ARHGAP15: variants seen among roughly 807,000 people sequenced by gnomAD.
ARHGAP15 encodes the protein rho GTPase-activating protein 15.
ARHGAP15 carries 51 observed loss-of-function variants against 63.7 expected under a neutral mutation model. The observed-to-expected ratio is 0.80, with a 90% CI of 0.64 to 1.01. The LOEUF (loss-of-function observed/expected upper bound fraction) is 1.01, where lower values mean the gene tolerates loss of function less well. Among genes scored for constraint, ARHGAP15 ranks in the 50% least tolerant of loss-of-function variants. ARHGAP15 has a pLI of 0.00. For synonymous variants in ARHGAP15, 191 were observed against 193.8 expected, an observed-to-expected ratio of 0.99 and a Z score of 0.12; for missense variants, 560 against 564.6, an observed-to-expected ratio of 0.99 and a Z score of 0.08.
At chr2:143,213,320 C>A (rs1002465985) in intron 3 of ARHGAP15, among the ~76,000 whole-genome samples, 17 of 152,072 alleles carry the variant, frequency 1.1e-4, no homozygotes, top group African/African-American at 3.9e-4. Context: ...TCAAGACCAG[C>A]CTGACCAACA....
At chr2:143,576,414 T>C (rs1696683288) in intron 11 of ARHGAP15, among the ~76,000 whole-genome samples, 1 of 152,120 alleles carries the variant, frequency 6.6e-6, no homozygotes. Flanking sequence ...CTGTGATCCA[T>C]CCATAATGGA....
chr2:143,423,507 T>TTAA (rs992351125), intron 6 of ARHGAP15, among the ~76,000 whole-genome samples: 9 of 152,096 alleles, frequency 5.9e-5, no homozygotes, highest in African/African-American at 2.2e-4. Context: ...GTCAGGGAGC[T>TTAA]TAATGTGTAG....
intron 2 of ARHGAP15, among the ~76,000 whole-genome samples, chr2:143,200,355 T>C (rs537872946): frequency 1.3e-5 from 2 of 151,878 alleles, no homozygotes; most frequent in South Asian, 4.2e-4. Flanking sequence ...AGTCGTGGAA[T>C]TTTTTAGGCC....
chr2:143,322,302 G>A (rs1001078353), intron 6 of ARHGAP15, among the ~76,000 whole-genome samples: 6 of 152,108 alleles, frequency 3.9e-5, no homozygotes, highest in Non-Finnish European at 7.4e-5. Context: ...CTAAGTAGAA[G>A]GGGCTGCTTT....
chr2:143,502,179 C>T (rs188524451), intron 9 of ARHGAP15, among the ~76,000 whole-genome samples: 20 of 152,080 alleles, frequency 1.3e-4, no homozygotes, highest in African/African-American at 4.3e-4. Flanking sequence ...GAGGCTGAGG[C>T]GAGTGGATCA....
At chr2:143,737,726 TTTTA>T (rs142591625) in intron 13 of ARHGAP15, among the ~76,000 whole-genome samples, 42,892 of 146,530 alleles carry the variant, frequency 0.29, 6,460 homozygotes, top group Middle Eastern at 0.38. Flanking sequence ...AACCTATTTA[TTTTA>T]TTTATTTATT....
chr2:143,466,819 A>G (rs916884302), intron 8 of ARHGAP15, among the ~76,000 whole-genome samples: 2 of 152,076 alleles, frequency 1.3e-5, no homozygotes, highest in African/African-American at 4.8e-5. Flanking sequence ...AAAAAGGACC[A>G]GTTTAGCAGG....
At chr2:143,284,462 G>A (rs1181336431) in intron 6 of ARHGAP15, among the ~76,000 whole-genome samples, 1 of 152,190 alleles carries the variant, frequency 6.6e-6, no homozygotes, top group Non-Finnish European at 1.5e-5. Context: ...TATTCCAAGA[G>A]CTGCCAATTT....
At chr2:143,542,659 T>C (rs899315279) in intron 10 of ARHGAP15, among the ~76,000 whole-genome samples, 2 of 130,376 alleles carry the variant, frequency 1.5e-5, no homozygotes, top group South Asian at 2.3e-4. Flanking sequence ...TGATATATAT[T>C]ATATATATGA....
rs569674432 is a variant in ARHGAP15, at chr2:143,244,759, A to C, written c.385-5752A>C. On this transcript the variant is annotated intron_variant, in intron 5 of 13. Transcript: ENST00000295095. ...TCACATTGAACGAAAAAAGGTCAAA[A>C]TACAGAGAATGAATTGCAAGGGTTT... Among the ~76,000 whole-genome samples, 3 of 152,330 alleles carry C rather than the reference A, an allele frequency of 2.0e-5. No individual in the cohort carries two copies. In the East Asian group the frequency reaches 5.8e-4, roughly 29 times the overall value.
intron 13 of ARHGAP15, among the ~76,000 whole-genome samples, chr2:143,764,381 CTG>C (rs1419248949): frequency 2.6e-5 from 4 of 152,152 alleles, no homozygotes; most frequent in Non-Finnish European, 5.9e-5. Flanking sequence ...CCTTCTATAA[CTG>C]TATCTTCAAT....
intron 6 of ARHGAP15, among the ~76,000 whole-genome samples, chr2:143,275,828 C>G (rs1681520862): frequency 6.6e-6 from 1 of 152,162 alleles, no homozygotes; most frequent in African/African-American, 2.4e-5. Context: ...CACCACTGTT[C>G]ATTTGTTCAT....
At chr2:143,522,179 T>A (rs904755623) in intron 10 of ARHGAP15, 1 of 152,208 alleles carries the variant, frequency 6.6e-6, no homozygotes, top group Non-Finnish European at 1.5e-5. Context: ...TTGTTTAGTA[T>A]GTTTCCTTAT....
At chr2:143,177,740 C>G (rs1691064679) in intron 2 of ARHGAP15, among the ~76,000 whole-genome samples, 1 of 152,098 alleles carries the variant, frequency 6.6e-6, no homozygotes, top group Non-Finnish European at 1.5e-5. Context: ...TGAAGCCTTC[C>G]AGAGCCTACA....
chr2:143,407,574 A>T (rs1314899568), intron 6 of ARHGAP15, among the ~76,000 whole-genome samples: 1 of 151,670 alleles, frequency 6.6e-6, no homozygotes, highest in Non-Finnish European at 1.5e-5. Flanking sequence ...CTTCATGTAG[A>T]TATTGGTTTT....
Position 143,526,307 on chromosome 2 carries a change from G to T in ARHGAP15, c.925+6943G>T, listed in dbSNP as rs116543983. Among the ~76,000 whole-genome samples the T allele has an allele frequency of 3.3e-3, 499 of 152,084 alleles. 6 individuals carry two copies. The highest frequency in any genetic ancestry group is 6.1e-3 in the Non-Finnish European group (412 of 67,994). The stretch of plus-strand genomic sequence containing the variant: ...TGTGGCTCTGGTCAAATCAGTCAGC[G>T]GATATTCCCACACTTTAAAATCCAC... On this transcript the variant is annotated intron_variant, in intron 10 of 13. Coordinates refer to ENST00000295095, the MANE Select transcript of ARHGAP15 (RefSeq NM_018460.4).
chr2:143,298,403 A>T (rs1682747827), intron 6 of ARHGAP15, among the ~76,000 whole-genome samples: 1 of 151,978 alleles, frequency 6.6e-6, no homozygotes, highest in Non-Finnish European at 1.5e-5. Flanking sequence ...TTACCTTATC[A>T]TTATAACATC....
At chr2:143,323,139 T>G (rs1375303921) in intron 6 of ARHGAP15, among the ~76,000 whole-genome samples, 1 of 152,226 alleles carries the variant, frequency 6.6e-6, no homozygotes, top group Non-Finnish European at 1.5e-5. Flanking sequence ...ATTTAGAAAA[T>G]GTAGATAAGC....
intron 1 of ARHGAP15, among the ~76,000 whole-genome samples, chr2:143,136,315 C>T (rs986849989): frequency 2.7e-5 from 4 of 150,716 alleles, no homozygotes; most frequent in African/African-American, 9.8e-5. Flanking sequence ...CAGTCTAATA[C>T]TTCTTTTATT....
Sources: allele counts gnomAD v4.1 joint callset (sites outside exome capture counted in the v4.1 genomes callset), GRCh38; gene constraint gnomAD v4.1.1; transcripts MANE v1.5; gene names NCBI Gene and HGNC (gene_info 2026-07-23, HGNC 2026-07-21).